Variants in RAB3C observed in about 807,000 individuals in gnomAD.
The protein encoded by RAB3C is ras-related protein Rab-3C.
RAB3C carries 17 observed loss-of-function variants against 26.4 expected under a neutral mutation model. That is an observed-to-expected ratio of 0.64 (90% CI 0.44 to 0.97). The LOEUF (loss-of-function observed/expected upper bound fraction) is 0.97, where lower values mean the gene tolerates loss of function less well. Among genes scored for constraint, RAB3C ranks in the 50% least tolerant of loss-of-function variants. The pLI, the probability that RAB3C is intolerant of heterozygous loss-of-function variation, is 0.00. For synonymous variants in RAB3C, 91 were observed against 95.9 expected (o/e 0.95, Z 0.30); for missense variants, 242 against 281.9 (o/e 0.86, Z 1.01).
chr5:58,612,489 T>G (rs921395951), intron 1 of RAB3C, among the ~76,000 whole-genome samples: 25 of 63,128 alleles, frequency 4.0e-4, no homozygotes, highest in Middle Eastern at 6.2e-3. Context: ...TGTTCCTAGG[T>G]GTGTGTGTGT....
At chr5:58,670,770 A>C (rs1748099432) in intron 2 of RAB3C, among the ~76,000 whole-genome samples, 1 of 152,190 alleles carries the variant, frequency 6.6e-6, no homozygotes, top group South Asian at 2.1e-4. Context: ...TTTATTTCAT[A>C]GACTGCATAA....
At chr5:58,735,012 C>T (rs1418458018) in intron 3 of RAB3C, among the ~76,000 whole-genome samples, 1 of 152,160 alleles carries the variant, frequency 6.6e-6, no homozygotes, top group East Asian at 1.9e-4. Context: ...ACAGTTGATT[C>T]ATTAACATTG....
chr5:58,682,027 G>A (rs1239527938), intron 2 of RAB3C, among the ~76,000 whole-genome samples: 1 of 152,186 alleles, frequency 6.6e-6, no homozygotes, highest in African/African-American at 2.4e-5. Flanking sequence ...CAAAGTTCAA[G>A]CTTTTGTAAC....
intron 4 of RAB3C, among the ~76,000 whole-genome samples, chr5:58,834,412 A>C (rs2675369): frequency 0.83 from 126,808 of 152,206 alleles, 53,501 homozygotes; most frequent in African/African-American, 0.92. Context: ...AAAAACAATT[A>C]TGTAATAAAG....
chr5:58,819,612 C>T (rs1461327704), intron 3 of RAB3C, among the ~76,000 whole-genome samples: 3 of 152,288 alleles, frequency 2.0e-5, no homozygotes, highest in East Asian at 1.9e-4. Flanking sequence ...CGGTGGCTTG[C>T]GCCTGTAATC....
chr5:58,796,900 G>A (rs1435884577), intron 3 of RAB3C, among the ~76,000 whole-genome samples: 2 of 151,996 alleles, frequency 1.3e-5, no homozygotes, highest in Admixed American at 6.6e-5. Flanking sequence ...CCTGGGCACA[G>A]AGATAGGCAT....
In RAB3C at chr5:58,663,801, T is replaced by C. The variant is rs115174010; in HGVS notation, c.252+45931T>C. The stretch of plus-strand genomic sequence containing the variant: ...ACAAAAAACGGCAAAAAGCTGAAAA[T>C]GATAAGAACTGGCAAACTTGCAAAG... On this transcript the variant is annotated intron_variant, in intron 2 of 4. Transcript: ENST00000282878. Among the ~76,000 whole-genome samples, 457 of 152,180 alleles carry C rather than the reference T, an allele frequency of 3.0e-3. 1 individual carries two copies. The highest frequency in any genetic ancestry group is 0.01 in the African/African-American group (425 of 41,544).
At chr5:58,843,327 C>T (rs761684441) in intron 4 of RAB3C, among the ~76,000 whole-genome samples, 15 of 152,134 alleles carry the variant, frequency 9.9e-5, no homozygotes, top group Non-Finnish European at 1.9e-4. Flanking sequence ...ATTGATAATG[C>T]ATATGTTATT....
At chr5:58,586,928 T>C (rs1376709624) in intron 1 of RAB3C, among the ~76,000 whole-genome samples, 3 of 152,294 alleles carry the variant, frequency 2.0e-5, no homozygotes. Flanking sequence ...ATTTTTGCAC[T>C]TCATTATTGT....
At chr5:58,765,029 T>C (rs1741870162) in intron 3 of RAB3C, among the ~76,000 whole-genome samples, 1 of 152,230 alleles carries the variant, frequency 6.6e-6, no homozygotes, top group Non-Finnish European at 1.5e-5. Context: ...TATATCTTAA[T>C]ATTCTATTGT....
intron 4 of RAB3C, among the ~76,000 whole-genome samples, chr5:58,829,694 C>T (rs1045500552): frequency 6.6e-6 from 1 of 152,044 alleles, no homozygotes; most frequent in African/African-American, 2.4e-5. Flanking sequence ...ATAATATTCC[C>T]AATTCTCTCC....
intron 3 of RAB3C, among the ~76,000 whole-genome samples, chr5:58,805,603 A>AAAAAAAAG (rs10691454): frequency 4.5e-5 from 6 of 132,990 alleles, no homozygotes; most frequent in Admixed American, 8.4e-5. Flanking sequence ...AAAAAAAAAA[A>AAAAAAAAG]AGAGAGAGAG....
At chr5:58,835,493 G>A (rs776594122) in intron 4 of RAB3C, among the ~76,000 whole-genome samples, 12 of 152,104 alleles carry the variant, frequency 7.9e-5, no homozygotes, top group African/African-American at 1.9e-4. Flanking sequence ...TCTAACAAAC[G>A]TTATGTTTAC....
chr5:58,618,766 C>T (rs1201886905), intron 2 of RAB3C, among the ~76,000 whole-genome samples: 2 of 152,136 alleles, frequency 1.3e-5, no homozygotes, highest in Non-Finnish European at 2.9e-5. Context: ...TAAGTTTTGG[C>T]ACCTTTTTCC....
intron 2 of RAB3C, among the ~76,000 whole-genome samples, chr5:58,638,289 T>C (rs1747330194): frequency 6.6e-6 from 1 of 152,166 alleles, no homozygotes; most frequent in Non-Finnish European, 1.5e-5. Flanking sequence ...TTTTTTTCTT[T>C]ATAAGTTACT....
Position 58,727,370 on chromosome 5 carries a change from G to A in RAB3C, c.371+1250G>A, listed in dbSNP as rs149271343. Among the ~76,000 whole-genome samples, 411 of 152,000 alleles carry A rather than the reference G, an allele frequency of 2.7e-3. 1 individual carries two copies. Among genetic ancestry groups the A allele is most frequent in the African/African-American group, 9.4e-3 (389 of 41,522 alleles). On this transcript the variant is annotated intron_variant, in intron 3 of 4. Coordinates refer to ENST00000282878, the MANE Select transcript of RAB3C (RefSeq NM_138453.4). Reference sequence around the variant, plus strand: ...CAGGGTTATAAACTAAAAAAGACAAGTTTAAGATGTATATGAAAACATAAG... The same window carrying A: ...CAGGGTTATAAACTAAAAAAGACAAATTTAAGATGTATATGAAAACATAAG...
intron 1 of RAB3C, among the ~76,000 whole-genome samples, chr5:58,602,890 A>G (rs1160916290): frequency 6.6e-6 from 1 of 151,668 alleles, no homozygotes; most frequent in Non-Finnish European, 1.5e-5. Context: ...ATGCAATGGT[A>G]TTTTTGTTTT....
At chr5:58,745,570 C>A (rs1394785800) in intron 3 of RAB3C, among the ~76,000 whole-genome samples, 1 of 152,062 alleles carries the variant, frequency 6.6e-6, no homozygotes, top group African/African-American at 2.4e-5. Flanking sequence ...TCTCTATAGT[C>A]CTCCTTGTCC....
intron 3 of RAB3C, among the ~76,000 whole-genome samples, chr5:58,796,093 TTGAGATAAAG>T (rs1441909315): frequency 6.6e-6 from 1 of 152,164 alleles, no homozygotes; most frequent in Non-Finnish European, 1.5e-5. Flanking sequence ...CCCTGTGATT[TTGAGATAAAG>T]TGATTGGAAG....
Sources: allele counts gnomAD v4.1 joint callset (sites outside exome capture counted in the v4.1 genomes callset), GRCh38; gene constraint gnomAD v4.1.1; transcripts MANE v1.5; gene names NCBI Gene and HGNC (gene_info 2026-07-23, HGNC 2026-07-21).